The following PCNX2 variants were observed in gnomAD, a reference collection of about 807,000 sequenced individuals.
PCNX2 encodes pecanex 2, also known as pecanex-like protein 2.
PCNX2 carries 168 observed loss-of-function variants against 223.8 expected under a neutral mutation model. The observed-to-expected ratio is 0.75, with a 90% CI of 0.66 to 0.85. The LOEUF (loss-of-function observed/expected upper bound fraction) is 0.85. Among genes scored for constraint, PCNX2 ranks in the 40% least tolerant of loss-of-function variants. PCNX2 has a pLI of 0.00. For missense variants in PCNX2, 2,507 were observed against 2,675.5 expected (o/e 0.94, Z 1.39); for synonymous variants, 1,006 against 1,052.6 (o/e 0.96, Z 0.86).
intron 5 of PCNX2, among the ~76,000 whole-genome samples, chr1:233,254,718 C>T (rs1291748556): frequency 9.6e-5 from 14 of 145,886 alleles, no homozygotes; most frequent in Admixed American, 9.5e-4. Flanking sequence ...TTTTTTTTTA[C>T]AAAAATGAAG....
At position 233,001,772 on chromosome 1, in the gene PCNX2, C is replaced by G. The variant is rs562597588; in HGVS notation, c.4953-91G>C. 9.7e-6 allele frequency: 12 copies of G among 1,236,928 alleles called. No homozygotes were observed. The highest frequency in any genetic ancestry group is 2.1e-4 in the Middle Eastern group (1 of 4,794). 76.6% of individuals were successfully genotyped at this position (1,236,928 alleles called of 1,614,324 possible). A position where few individuals can be genotyped will look rare whatever the true frequency, so the allele number is the denominator to read the frequency against. Reference sequence around the variant, plus strand: ...AGTCTCCCATTTGTCTAAGAATTATCTTAACATTTAGGCTGATATAGCAAG... The same window carrying G: ...AGTCTCCCATTTGTCTAAGAATTATGTTAACATTTAGGCTGATATAGCAAG... On this transcript the variant is annotated intron_variant, in intron 28 of 33. Transcript: ENST00000258229. This position sits in a 1 kb window ranked among gnomAD's most constrained non-coding sequence, Gnocchi z 4.2.
chr1:233,187,989 A>G (rs2102873467), intron 15 of PCNX2, among the ~76,000 whole-genome samples: 1 of 152,356 alleles, frequency 6.6e-6, no homozygotes, highest in South Asian at 2.1e-4. Flanking sequence ...TACAGTCATC[A>G]TAACCACCAA....
In PCNX2 at chr1:233,001,158, C is replaced by T. The variant is rs762299955; in HGVS notation, c.5097+379G>A. On this transcript the variant is annotated intron_variant, in intron 29 of 33. Coordinates refer to ENST00000258229, the MANE Select transcript of PCNX2 (RefSeq NM_014801.4). The surrounding 1 kb of genome is among the most constrained non-coding windows in gnomAD (Gnocchi z 4.2). ...AAGCTATCCTCCCACCTTAACCTCC[C>T]GAGTAGCTGAGCGATAGTTTTTTCT... Among the ~76,000 whole-genome samples, 38 of 152,058 alleles carry T rather than the reference C, an allele frequency of 2.5e-4. No individual in the cohort carries two copies. The highest frequency in any genetic ancestry group is 4.1e-4 in the Non-Finnish European group (28 of 68,028).
chr1:233,141,519 A>C (rs1677108723), intron 19 of PCNX2, among the ~76,000 whole-genome samples: 1 of 152,136 alleles, frequency 6.6e-6, no homozygotes, highest in African/African-American at 2.4e-5. Context: ...TACAAAAGTT[A>C]GCTGGGCATG....
intron 1 of PCNX2, among the ~76,000 whole-genome samples, chr1:233,288,276 T>C (rs1184736021): frequency 6.6e-6 from 1 of 152,140 alleles, no homozygotes; most frequent in Non-Finnish European, 1.5e-5. Context: ...TAATAGGGTA[T>C]TAAAGTATTA....
At position 233,218,036 on chromosome 1, in the gene PCNX2, G is replaced by T. The variant is rs1207572346; in HGVS notation, c.2653C>A (p.Leu885Ile). 3 of 1,608,816 alleles carry T rather than the reference G, an allele frequency of 1.9e-6. No homozygotes were observed. The highest frequency in any genetic ancestry group is 2.5e-6 in the Non-Finnish European group (3 of 1,177,612). Residue 885 changes from leucine (L) to isoleucine (I), a missense_variant, in exon 11 of 34, where the codon CTA becomes ATA. By Grantham distance (5) the Leu-to-Ile change is conservative. Coordinates refer to ENST00000258229, the MANE Select transcript of PCNX2 (RefSeq NM_014801.4). ...LVMASCQYSL[L>I]KSVQPDPASP... The stretch of plus-strand genomic sequence containing the variant: ...AGAATTAGATGTGGTCTTGCCTTTA[G>T]CAGGGAGTACTGGCAGCTGGCCATG...
At chr1:233,325,502 C>CAAA in the PCNX2 span, among the ~76,000 whole-genome samples, 3,548 of 138,054 alleles carry the variant, frequency 0.026, 87 homozygotes, top group South Asian at 0.075. Flanking sequence ...ACTAAAAATA[C>CAAA]AAAAAAAAAA....
At chr1:233,105,081 C>T in intron 21 of PCNX2, among the ~76,000 whole-genome samples, 1 of 152,030 alleles carries the variant, frequency 6.6e-6, no homozygotes, top group East Asian at 1.9e-4. Flanking sequence ...TATTGGCAGG[C>T]TATTTCCTAA....
At chr1:233,282,249 G>A (rs1661231228) in intron 1 of PCNX2, among the ~76,000 whole-genome samples, 1 of 151,942 alleles carries the variant, frequency 6.6e-6, no homozygotes. Context: ...AGCGCTCCTG[G>A]GGCCTCACTG....
At chr1:233,308,625 G>C in the PCNX2 span, among the ~76,000 whole-genome samples, 3 of 152,180 alleles carry the variant, frequency 2.0e-5, no homozygotes, top group Middle Eastern at 6.9e-3. Context: ...AGATAAAGCT[G>C]GGTGGTAGAG....
At chr1:233,054,214 T>C in intron 25 of PCNX2, 54 bp downstream of exon 25, 1 of 1,512,326 alleles carries the variant, frequency 6.6e-7, no homozygotes, top group East Asian at 2.3e-5. Flanking sequence ...TTTTGCTTGA[T>C]AATTAACTCA....
intron 9 of PCNX2, among the ~76,000 whole-genome samples, chr1:233,227,969 G>T (rs910078753): frequency 1.3e-5 from 2 of 151,112 alleles, no homozygotes; most frequent in East Asian, 1.9e-4. Context: ...CAGTGGAAAA[G>T]AATTCAATTT....
chr1:233,226,668 T>C (rs1457339695), intron 10 of PCNX2, among the ~76,000 whole-genome samples: 1 of 152,016 alleles, frequency 6.6e-6, no homozygotes, highest in Non-Finnish European at 1.5e-5. Context: ...GGAACAGTGG[T>C]AGGAGGAGGT....
At chr1:233,179,450 A>C (rs1322668918) in intron 15 of PCNX2, among the ~76,000 whole-genome samples, 1 of 152,232 alleles carries the variant, frequency 6.6e-6, no homozygotes, top group Admixed American at 6.5e-5. Context: ...AGAATGTTCT[A>C]TAGAATGTAA....
intron 1 of PCNX2, among the ~76,000 whole-genome samples, chr1:233,268,658 A>G (rs1490897353): frequency 9.8e-5 from 15 of 152,312 alleles, no homozygotes; most frequent in Non-Finnish European, 2.9e-5. Flanking sequence ...CTGACTGAGA[A>G]CCAGAGACTC....
At position 233,135,042 on chromosome 1, in the gene PCNX2, A is replaced by G. The variant is rs1440276551; in HGVS notation, c.3808T>C (p.Phe1270Leu). 1.2e-6 allele frequency: 2 copies of G among 1,611,296 alleles called. No individual in the cohort carries two copies. Among genetic ancestry groups the G allele is most frequent in the South Asian group, 2.2e-5 (2 of 91,036 alleles). The change falls in exon 21 of 34, where the codon TTC becomes CTC. Residue 1270 changes from phenylalanine (F) to leucine (L), a missense_variant. Phe to Leu is a conservative substitution (Grantham distance 22). Transcript: ENST00000258229. ...KDISESFLLD[F>L]FMVSILFSKL... ...CTAAATAAAATGGACACCATGAAGA[A>G]ATCCAGTAAGAAGCTCTCTGAAATA...
chr1:232,986,400 G>A lies in PCNX2; in HGVS notation c.5932C>T (p.Gln1978Ter). The A allele has an allele frequency of 6.2e-7, 1 of 1,604,766 alleles. No individual in the cohort carries two copies. Among genetic ancestry groups the A allele is most frequent in the Non-Finnish European group, 8.5e-7 (1 of 1,175,732 alleles). The change falls in exon 33 of 34, where the codon CAG (glutamine) becomes TAG (stop). Residue 1978 changes from glutamine (Q) to a stop codon, truncating the protein, a stop_gained. Coordinates refer to ENST00000258229, the MANE Select transcript of PCNX2 (RefSeq NM_014801.4). LOFTEE classifies it high-confidence loss of function. ...QTSTSVHELA[Q>*]RLSGSRLSLH... Reference sequence around the variant, plus strand: ...GAGAGCCGGCTGCCCGAGAGCCTCTGGGCCAGCTCGTGCACTGAGGTGGAC... The same window carrying A: ...GAGAGCCGGCTGCCCGAGAGCCTCTAGGCCAGCTCGTGCACTGAGGTGGAC...
chr1:233,312,804 A>G, the PCNX2 span, among the ~76,000 whole-genome samples: 1 of 152,188 alleles, frequency 6.6e-6, no homozygotes, highest in African/African-American at 2.4e-5. Context: ...GTCTAGTAAA[A>G]TAGGGAAATT....
chr1:233,296,856 C>T (rs746729894), upstream of PCNX2, among the ~76,000 whole-genome samples: 2 of 152,116 alleles, frequency 1.3e-5, no homozygotes, highest in African/African-American at 2.4e-5. Context: ...CAGGCTGAAA[C>T]GAAGATAAGG....
Sources: allele counts gnomAD v4.1 joint callset (sites outside exome capture counted in the v4.1 genomes callset), GRCh38; gene constraint gnomAD v4.1.1; non-coding constraint Gnocchi (gnomAD v3.1); transcripts MANE v1.5; gene names NCBI Gene and HGNC (gene_info 2026-07-23, HGNC 2026-07-21).